KLHL6: variants seen among roughly 807,000 people sequenced by gnomAD.
KLHL6 encodes the protein kelch-like protein 6.
Under a neutral mutation model 58.6 loss-of-function variants are expected in KLHL6, and 41 were observed. That is an observed-to-expected ratio of 0.70 (90% CI 0.55 to 0.91). KLHL6 has a LOEUF of 0.91. KLHL6 is among the 40% of genes least tolerant of loss of function. The probability of loss-of-function intolerance (pLI) is 0.00; values close to 1 mark genes in which losing one functional copy is unlikely to be tolerated. For synonymous variants in KLHL6, 338 were observed against 322.7 expected (o/e 1.05, Z -0.51); for missense variants, 714 against 805.6 (o/e 0.89, Z 1.38).
At chr3:183,534,859 C>G (rs1455459551) in intron 1 of KLHL6, among the ~76,000 whole-genome samples, 2 of 150,840 alleles carry the variant, frequency 1.3e-5, no homozygotes, top group African/African-American at 4.9e-5. Context: ...ACTGTGTCTT[C>G]AAAGACCATC....
intron 4 of KLHL6, among the ~76,000 whole-genome samples, chr3:183,498,036 C>A (rs1313500769): frequency 1.3e-5 from 2 of 151,996 alleles, no homozygotes; most frequent in Non-Finnish European, 2.9e-5. Context: ...GAGTTCAAGA[C>A]CAGCCTGACC....
intron 4 of KLHL6, among the ~76,000 whole-genome samples, chr3:183,496,678 A>G (rs982875272): frequency 6.6e-6 from 1 of 152,270 alleles, no homozygotes; most frequent in African/African-American, 2.4e-5. Flanking sequence ...TTTGCATGTA[A>G]TAACTATATC....
chr3:183,510,029 T>C (rs749169401), intron 2 of KLHL6, among the ~76,000 whole-genome samples: 12 of 152,212 alleles, frequency 7.9e-5, no homozygotes, highest in Non-Finnish European at 1.5e-4. Context: ...ACCATCCTCA[T>C]AAAAATTCAA....
At chr3:183,522,988 A>G (rs1479221637) in intron 2 of KLHL6, 2 of 152,182 alleles carry the variant, frequency 1.3e-5, no homozygotes, top group Admixed American at 6.5e-5. Flanking sequence ...TATTTTTAGT[A>G]GAGACGGGGT....
chr3:183,491,824 G>A lies in KLHL6; in HGVS notation c.*103C>T, dbSNP rs1419436987. On this transcript the variant is annotated 3_prime_UTR_variant, in exon 7 of 7. Transcript: ENST00000341319. ...AGTCAAGGGGATCCCCTGATGTATG[G>A]CCTCAAACTCGAGCCTGCTGCCTGA... 3.8e-6 allele frequency: 4 copies of A among 1,042,106 alleles called. No individual in the cohort carries two copies. In the East Asian group the frequency reaches 1.1e-4, roughly 30 times the overall value. 64.6% of individuals were successfully genotyped at this position (1,042,106 alleles called of 1,614,324 possible).
intron 1 of KLHL6, 74 bp from the exon 2 acceptor site, chr3:183,528,084 C>T: frequency 1.1e-5 from 17 of 1,531,554 alleles, no homozygotes; most frequent in Non-Finnish European, 1.4e-5. Context: ...CCCTTTCAGA[C>T]TCATCAGGCC....
At chr3:183,524,441 A>T (rs368791553) in intron 2 of KLHL6, among the ~76,000 whole-genome samples, 5 of 152,200 alleles carry the variant, frequency 3.3e-5, no homozygotes, top group African/African-American at 1.2e-4. Context: ...TTACGGCCAG[A>T]TGATTGCAAA....
At chr3:183,507,599 T>G (rs572301267) in intron 3 of KLHL6, among the ~76,000 whole-genome samples, 1 of 152,052 alleles carries the variant, frequency 6.6e-6, no homozygotes, top group Admixed American at 6.5e-5. Flanking sequence ...GCCCACCTAA[T>G]TTTTTTGTAT....
At chr3:183,529,284 C>G (rs1471916136) in intron 1 of KLHL6, among the ~76,000 whole-genome samples, 1 of 152,002 alleles carries the variant, frequency 6.6e-6, no homozygotes, top group Non-Finnish European at 1.5e-5. Flanking sequence ...CTAAATACCC[C>G]TGAACTTAAA....
intron 1 of KLHL6, among the ~76,000 whole-genome samples, chr3:183,544,214 A>C (rs1712646590): frequency 6.6e-6 from 1 of 150,882 alleles, no homozygotes; most frequent in South Asian, 2.1e-4. Context: ...CACTCTTGTA[A>C]TTATGGTGGC....
chr3:183,526,032 G>A (rs1049555111), intron 2 of KLHL6, among the ~76,000 whole-genome samples: 1 of 152,240 alleles, frequency 6.6e-6, no homozygotes, highest in Admixed American at 6.5e-5. Flanking sequence ...TTTTTGCCGG[G>A]TGCGGTGGCT....
Position 183,493,342 on chromosome 3 carries a change from T to C in KLHL6, c.1351-635A>G, listed in dbSNP as rs151049846. 3.2e-3 allele frequency: 500 copies of C among 155,396 alleles called. 8 individuals carry two copies. Among genetic ancestry groups the C allele is most frequent in the African/African-American group, 0.011 (454 of 41,584 alleles). 9.6% of individuals were successfully genotyped at this position (155,396 alleles called of 1,614,324 possible). On this transcript the variant is annotated intron_variant, in intron 5 of 6. Coordinates refer to ENST00000341319, the MANE Select transcript of KLHL6 (RefSeq NM_130446.4). ...GCTTGTTTTGAGAAGATCCTGGGCA[T>C]GTCCCCCATACATGTTAAGGGCTCT... is the stretch of plus-strand genomic sequence containing the variant.
intron 1 of KLHL6, among the ~76,000 whole-genome samples, chr3:183,553,096 G>A (rs545412679): frequency 6.6e-6 from 1 of 152,156 alleles, no homozygotes; most frequent in Non-Finnish European, 1.5e-5. Context: ...AGTATTCATT[G>A]TAGAAGGAAA....
intron 1 of KLHL6, among the ~76,000 whole-genome samples, chr3:183,542,586 C>T (rs1013104203): frequency 2.6e-5 from 4 of 152,132 alleles, no homozygotes; most frequent in African/African-American, 9.7e-5. Context: ...GCTCTTTCTT[C>T]CGTCTGATTT....
At chr3:183,546,391 G>A (rs1032384805) in intron 1 of KLHL6, among the ~76,000 whole-genome samples, 1 of 152,214 alleles carries the variant, frequency 6.6e-6, no homozygotes, top group Non-Finnish European at 1.5e-5. Context: ...TTGGGTGGAG[G>A]CAGGACAAGC....
At chr3:183,545,611 G>A (rs1712693186) in intron 1 of KLHL6, among the ~76,000 whole-genome samples, 1 of 152,178 alleles carries the variant, frequency 6.6e-6, no homozygotes, top group Non-Finnish European at 1.5e-5. Flanking sequence ...ATGGGTAGGG[G>A]TGACAGAGAT....
intron 4 of KLHL6, among the ~76,000 whole-genome samples, chr3:183,498,706 A>C (rs958960279): frequency 1.3e-5 from 2 of 152,234 alleles, no homozygotes; most frequent in African/African-American, 4.8e-5. Context: ...ATATTTACTG[A>C]ACATTTACCC....
Position 183,492,497 on chromosome 3 carries a change from C to T in KLHL6, c.1561G>A (p.Val521Ile), listed in dbSNP as rs201181508. 3 of 1,614,180 alleles carry T rather than the reference C, an allele frequency of 1.9e-6. No individual in the cohort carries two copies. Among genetic ancestry groups the T allele is most frequent in the Admixed American group, 1.7e-5 (1 of 60,030 alleles). Residue 521 changes from valine (V) to isoleucine (I), a missense_variant, in exon 6 of 7, where the codon GTT becomes ATT. Val to Ile is a conservative substitution (Grantham distance 29). Transcript: ENST00000341319. This position sits in a 1 kb window ranked among gnomAD's most constrained non-coding sequence, Gnocchi z 5.9. ...AVSFRDRIYV[V>I]GGAMRALYAY... ...CCAATAAGAAGCCATTACTCACCAACGACATAGATGCGGTCCCGGAAACTC... is the reference window on the plus strand; with the variant it reads ...CCAATAAGAAGCCATTACTCACCAATGACATAGATGCGGTCCCGGAAACTC...
intron 1 of KLHL6, among the ~76,000 whole-genome samples, chr3:183,540,353 T>C (rs1053817682): frequency 6.6e-6 from 1 of 152,180 alleles, no homozygotes; most frequent in African/African-American, 2.4e-5. Context: ...AACTGAGTCA[T>C]GGTAACATTA....
Sources: gnomAD v4.1 joint callset for allele counts (sites outside exome capture counted in the v4.1 genomes callset) on GRCh38, gnomAD v4.1.1 for gene constraint, Gnocchi (gnomAD v3.1) non-coding constraint, MANE v1.5 for transcripts, NCBI Gene and HGNC (gene_info 2026-07-23, HGNC 2026-07-21) for gene names.